Variants in ERI3 observed in about 807,000 individuals in gnomAD.
The protein encoded by ERI3 is ERI1 exoribonuclease 3.
ERI3 carries 18 observed loss-of-function variants against 44.4 expected under a neutral mutation model. That is an observed-to-expected ratio of 0.41 (90% CI 0.28 to 0.60). The LOEUF (loss-of-function observed/expected upper bound fraction) is 0.60. ERI3 is among the 20% of genes least tolerant of loss of function. The probability of loss-of-function intolerance (pLI) is 0.36; values close to 1 mark genes in which losing one functional copy is unlikely to be tolerated. For missense variants in ERI3, 294 were observed against 435.5 expected (o/e 0.68, Z 2.89); for synonymous variants, 183 against 164.8 (o/e 1.11, Z -0.84).
At chr1:44,301,675 TG>T (rs1209708785) in intron 6 of ERI3, among the ~76,000 whole-genome samples, 1 of 152,076 alleles carries the variant, frequency 6.6e-6, no homozygotes, top group Non-Finnish European at 1.5e-5. Context: ...ACCTCCAGGG[TG>T]GGGAGGTTCT....
chr1:44,262,422 C>G (rs145825821), intron 7 of ERI3, among the ~76,000 whole-genome samples: 2 of 152,342 alleles, frequency 1.3e-5, no homozygotes, highest in East Asian at 3.9e-4. Flanking sequence ...TTATATTACC[C>G]TGTAGAGATG....
chr1:44,313,112 G>C, intron 5 of ERI3, 57 bp downstream of exon 5: 1 of 1,431,114 alleles, frequency 7.0e-7, no homozygotes, highest in Non-Finnish European at 9.9e-7. Flanking sequence ...GGAGGGGAGG[G>C]AGAGAAAGGC....
At chr1:44,232,035 T>C (rs1644196617) in intron 8 of ERI3, among the ~76,000 whole-genome samples, 1 of 152,234 alleles carries the variant, frequency 6.6e-6, no homozygotes, top group Non-Finnish European at 1.5e-5. Flanking sequence ...TCTGGGTCCC[T>C]GATAACACTG....
rs553275663 is a variant in ERI3, at chr1:44,222,366, C to A, written c.932-726G>T. Among the ~76,000 whole-genome samples the A allele has an allele frequency of 1.2e-4, 18 of 152,358 alleles. No individual in the cohort carries two copies. In the East Asian group the frequency reaches 3.1e-3, roughly 26 times the overall value. On this transcript the variant is annotated intron_variant, in intron 8 of 8. Transcript: ENST00000372257. ...TACCAAACCCTCCTGTATACATCGG[C>A]GGAAGCCCTGCTTCTGTCCCAGTAG...
intron 7 of ERI3, among the ~76,000 whole-genome samples, chr1:44,250,963 C>A (rs1387564538): frequency 1.3e-5 from 2 of 152,190 alleles, no homozygotes; most frequent in Admixed American, 6.5e-5. Context: ...GACACATGCA[C>A]CTGCAGAGCC....
At chr1:44,291,079 T>A (rs889687236) in intron 6 of ERI3, among the ~76,000 whole-genome samples, 22 of 152,170 alleles carry the variant, frequency 1.4e-4, no homozygotes, top group Non-Finnish European at 2.9e-4. Flanking sequence ...ACACAATGTG[T>A]CACCACTGCA....
intron 8 of ERI3, among the ~76,000 whole-genome samples, chr1:44,223,937 A>T (rs117669822): frequency 0.012 from 1,851 of 152,304 alleles, 70 homozygotes; most frequent in East Asian, 0.069. Flanking sequence ...CTCTTTCTAG[A>T]TAAACCCTAA....
intron 4 of ERI3, among the ~76,000 whole-genome samples, chr1:44,313,852 G>A (rs558074167): frequency 6.6e-6 from 1 of 152,084 alleles, no homozygotes; most frequent in Non-Finnish European, 1.5e-5. Flanking sequence ...TAACCAATGG[G>A]GAAACTAAGA....
At chr1:44,308,491 G>A (rs1645887700) in intron 5 of ERI3, 90 bp from the exon 6 acceptor site, 3 of 1,011,188 alleles carry the variant, frequency 3.0e-6, no homozygotes, top group Non-Finnish European at 4.7e-6. Context: ...TAAGCTGCTT[G>A]TAATCAGAAC....
At chr1:44,342,812 AATATATATATAT>A (rs59012227) in intron 2 of ERI3, among the ~76,000 whole-genome samples, 350 of 30,890 alleles carry the variant, frequency 0.011, 18 homozygotes, top group African/African-American at 0.019. Flanking sequence ...ACATCCAGCT[AATATATATATAT>A]ATATATATAT....
intron 6 of ERI3, among the ~76,000 whole-genome samples, chr1:44,302,404 C>T (rs1298342389): frequency 6.6e-6 from 1 of 152,220 alleles, no homozygotes; most frequent in Non-Finnish European, 1.5e-5. Context: ...CAGCAGGCTG[C>T]TAATCAAAGG....
intron 8 of ERI3, among the ~76,000 whole-genome samples, chr1:44,240,601 C>T (rs1232764984): frequency 3.3e-5 from 5 of 152,222 alleles, no homozygotes; most frequent in Non-Finnish European, 7.3e-5. Context: ...TCCTCACATC[C>T]AGTAGAGATG....
intron 7 of ERI3, among the ~76,000 whole-genome samples, chr1:44,283,497 T>A (rs1645330490): frequency 6.6e-6 from 1 of 152,162 alleles, no homozygotes; most frequent in Admixed American, 6.5e-5. Context: ...ATATGTCTGA[T>A]GAAGATGACT....
chr1:44,292,397 C>T (rs1645525879), intron 6 of ERI3, among the ~76,000 whole-genome samples: 2 of 152,168 alleles, frequency 1.3e-5, no homozygotes, highest in Admixed American at 1.3e-4. Context: ...GAGCTTTCTA[C>T]CTCAACCGAC....
At position 44,228,284 on chromosome 1, in the gene ERI3, T is replaced by C. The variant is rs1644093815; in HGVS notation, c.932-6644A>G. The stretch of plus-strand genomic sequence containing the variant: ...GGTGCCTGGAGGTGCCACAGGCTGA[T>C]GGTGAAGGATGACGATGGTTCCACA... On this transcript the variant is annotated intron_variant, in intron 8 of 8. Transcript: ENST00000372257. The surrounding 1 kb of genome is among the most constrained non-coding windows in gnomAD (Gnocchi z 4.3). Among the ~76,000 whole-genome samples the C allele has an allele frequency of 6.6e-6, 1 of 152,154 alleles. No individual in the cohort carries two copies. The highest frequency in any genetic ancestry group is 1.5e-5 in the Non-Finnish European group (1 of 68,034).
intron 8 of ERI3, chr1:44,242,171 G>A (rs1346018447): frequency 1.0e-6 from 1 of 978,964 alleles, no homozygotes; most frequent in East Asian, 1.1e-4. Context: ...GAACTGGATG[G>A]GAGGGGGCAG....
chr1:44,259,875 C>CTAGATAGATAGATAGATAGATAGATAGA (rs71036672), intron 7 of ERI3, among the ~76,000 whole-genome samples: 7 of 135,958 alleles, frequency 5.1e-5, no homozygotes, highest in East Asian at 2.3e-4. Context: ...GGAAAACCCT[C>CTAGATAGATAGATAGATAGATAGATAGA]TAGATAGATA....
chr1:44,295,542 C>T (rs1280633449), intron 6 of ERI3, among the ~76,000 whole-genome samples: 1 of 152,174 alleles, frequency 6.6e-6, no homozygotes, highest in African/African-American at 2.4e-5. Context: ...GCCAGCACTT[C>T]CGGGATATGC....
intron 7 of ERI3, 148 bp downstream of exon 7, chr1:44,284,687 A>T (rs1645355339): frequency 1.7e-6 from 1 of 575,298 alleles, no homozygotes; most frequent in Admixed American, 2.9e-5. Context: ...TTCAGTGCAT[A>T]TTAGCTAAGG....
Sources: allele counts gnomAD v4.1 joint callset (sites outside exome capture counted in the v4.1 genomes callset), GRCh38; gene constraint gnomAD v4.1.1; non-coding constraint Gnocchi (gnomAD v3.1); transcripts MANE v1.5; gene names NCBI Gene and HGNC (gene_info 2026-07-23, HGNC 2026-07-21).